DPP10: variants seen among roughly 807,000 people sequenced by gnomAD.
The protein encoded by DPP10 is inactive dipeptidyl peptidase 10.
A neutral mutation model predicts 120.9 loss-of-function variants in DPP10; 33 were observed. The observed-to-expected ratio is 0.27, with a 90% CI of 0.21 to 0.37. The LOEUF is 0.37. Among genes scored for constraint, DPP10 ranks in the 10% least tolerant of loss-of-function variants. DPP10 has a pLI of 1.00. For missense variants in DPP10, 816 were observed against 942.8 expected (o/e 0.87, Z 1.76); for synonymous variants, 337 against 326.1 (o/e 1.03, Z -0.36).
At chr2:115,303,123 C>A (rs548905977) in intron 1 of DPP10, among the ~76,000 whole-genome samples, 1 of 152,010 alleles carries the variant, frequency 6.6e-6, no homozygotes, top group African/African-American at 2.4e-5. Context: ...AGTATAATTA[C>A]ATTTATTTCT....
intron 5 of DPP10, among the ~76,000 whole-genome samples, chr2:115,537,991 T>G (rs538782514): frequency 2.6e-4 from 39 of 151,966 alleles, no homozygotes; most frequent in African/African-American, 8.9e-4. Flanking sequence ...GCTTAAGGCT[T>G]CCCCCAGTCT....
intron 1 of DPP10, among the ~76,000 whole-genome samples, chr2:114,970,577 G>A (rs1699329403): frequency 6.6e-6 from 1 of 152,284 alleles, no homozygotes; most frequent in African/African-American, 2.4e-5. Flanking sequence ...AAGGGATCAA[G>A]TTTATCTGAA....
At chr2:115,740,973 G>C (rs1410814953) in intron 9 of DPP10, among the ~76,000 whole-genome samples, 1 of 152,022 alleles carries the variant, frequency 6.6e-6, no homozygotes, top group African/African-American at 2.4e-5. Flanking sequence ...AAGCACAATA[G>C]GTTTTCTGCC....
In DPP10 at chr2:114,696,197, C is replaced by T. The variant is rs180964359; in HGVS notation, c.60+253359C>T. ...AAGCATTTAAATCAGCACCATTTTC[C>T]ATCAATGTCTTGCTCCTGATTCTCT... On this transcript the variant is annotated intron_variant, in intron 1 of 25. Coordinates refer to ENST00000410059, the MANE Select transcript of DPP10 (RefSeq NM_020868.6). 5.9e-5 allele frequency among the ~76,000 whole-genome samples: 9 copies of T among 152,134 alleles called. No homozygotes were observed. The South Asian group carries it at 1.5e-3, about 25-fold the overall frequency.
At chr2:115,544,330 A>C (rs773764166) in intron 5 of DPP10, among the ~76,000 whole-genome samples, 1 of 152,066 alleles carries the variant, frequency 6.6e-6, no homozygotes, top group Non-Finnish European at 1.5e-5. Flanking sequence ...TACCTTCAGC[A>C]TATGTGTCCA....
rs188247121 is a variant in DPP10 at position 115,815,289 on chromosome 2, C to T, written c.1895+302C>T. On this transcript the variant is annotated intron_variant, in intron 20 of 25. Coordinates refer to ENST00000410059, the MANE Select transcript of DPP10 (RefSeq NM_020868.6). ...AGGAATCCACAATGTCTGTTGTATC[C>T]TCAGTTAATCACAATTCTTGAAGTT... Among the ~76,000 whole-genome samples the T allele has an allele frequency of 8.6e-4, 131 of 152,250 alleles. 3 individuals are homozygous for T. In the East Asian group the frequency reaches 0.02, roughly 23 times the overall value.
intron 1 of DPP10, among the ~76,000 whole-genome samples, chr2:114,505,452 A>C (rs545544695): frequency 2.0e-4 from 31 of 151,998 alleles, no homozygotes; most frequent in African/African-American, 7.0e-4. Context: ...TCTCAAATGA[A>C]ATTTATGTGT....
chr2:114,737,505 A>G (rs899442206), intron 1 of DPP10, among the ~76,000 whole-genome samples: 11 of 152,218 alleles, frequency 7.2e-5, no homozygotes, highest in Admixed American at 6.5e-4. Flanking sequence ...AGAAAGCTTG[A>G]TGGAAAGGGA....
intron 5 of DPP10, among the ~76,000 whole-genome samples, chr2:115,613,572 A>G (rs975279489): frequency 1.3e-5 from 2 of 152,178 alleles, no homozygotes; most frequent in African/African-American, 4.8e-5. Flanking sequence ...TAGCAGAGTC[A>G]TTCTTCCAAT....
At chr2:114,527,046 C>T (rs1685563467) in intron 1 of DPP10, among the ~76,000 whole-genome samples, 4 of 152,118 alleles carry the variant, frequency 2.6e-5, no homozygotes, top group African/African-American at 9.7e-5. Context: ...ATTTACACTC[C>T]CTTTTCCTTA....
At chr2:115,798,514 G>A (rs1190884968) in intron 19 of DPP10, among the ~76,000 whole-genome samples, 1 of 151,904 alleles carries the variant, frequency 6.6e-6, no homozygotes, top group Non-Finnish European at 1.5e-5. Flanking sequence ...AGTACATTAT[G>A]AATCATGTAA....
At chr2:115,182,062 AATAAAT>A (rs1377497311) in intron 1 of DPP10, among the ~76,000 whole-genome samples, 1 of 152,236 alleles carries the variant, frequency 6.6e-6, no homozygotes, top group African/African-American at 2.4e-5. Flanking sequence ...GTAAAATAGA[AATAAAT>A]ATAAAGCAAT....
chr2:115,244,279 G>C (rs1026922400), intron 1 of DPP10, among the ~76,000 whole-genome samples: 1 of 121,642 alleles, frequency 8.2e-6, no homozygotes, highest in Non-Finnish European at 1.7e-5. Context: ...GAGAGAGAGA[G>C]AGACATATAT....
At position 114,442,711 on chromosome 2, in the gene DPP10, A is replaced by G. The variant is rs1165421087; in HGVS notation, c.-68A>G. On this transcript the variant is annotated 5_prime_UTR_variant, in exon 1 of 26. Transcript: ENST00000410059. The stretch of plus-strand genomic sequence containing the variant: ...AGCAGCCCCTACTGAAGTCCAATAG[A>G]GGAGACTTGATCTCTAGTTCATTCT... 2 of 1,585,622 alleles carry G rather than the reference A, an allele frequency of 1.3e-6. No homozygotes were observed. The highest frequency in any genetic ancestry group is 1.7e-6 in the Non-Finnish European group (2 of 1,157,870).
Position 114,960,366 on chromosome 2 carries a change from G to GTATATATATATATA in DPP10, c.61-348866_61-348853dup, listed in dbSNP as rs149462158. Among the ~76,000 whole-genome samples the GTATATATATATATA allele has an allele frequency of 5.6e-4, 81 of 143,808 alleles. 1 individual carries two copies. Among genetic ancestry groups the GTATATATATATATA allele is most frequent in the Middle Eastern group, 3.7e-3 (1 of 270 alleles). The allele number at this position is 143,808 out of a possible 152,430, so 94.3% of individuals were successfully genotyped here. The stretch of plus-strand genomic sequence containing the variant: ...CTCTGGTTGTACAGAGTGTATGTGC[G>GTATATATATATATA]TATATATATATATATATATACTTTT... On this transcript the variant is annotated intron_variant, in intron 1 of 25. Coordinates refer to ENST00000410059, the MANE Select transcript of DPP10 (RefSeq NM_020868.6).
At chr2:115,718,669 G>A (rs1247339853) in intron 7 of DPP10, among the ~76,000 whole-genome samples, 2 of 151,936 alleles carry the variant, frequency 1.3e-5, no homozygotes, top group Admixed American at 1.3e-4. Flanking sequence ...ATTAATTTGT[G>A]TATGGTTTTA....
chr2:114,632,407 T>C (rs1365229612), intron 1 of DPP10, among the ~76,000 whole-genome samples: 1 of 151,692 alleles, frequency 6.6e-6, no homozygotes, highest in Non-Finnish European at 1.5e-5. Flanking sequence ...TATATATATA[T>C]ATTTGTATTT....
chr2:114,508,086 CTTTG>C (rs1046188320), intron 1 of DPP10, among the ~76,000 whole-genome samples: 2 of 151,042 alleles, frequency 1.3e-5, no homozygotes, highest in African/African-American at 4.9e-5. Context: ...TTTCTCTCTT[CTTTG>C]TTTCTTTCTG....
rs58796386 is a variant in DPP10 at position 114,570,836 on chromosome 2, TAAAAAAA to T, written c.60+128016_60+128022del. Among the ~76,000 whole-genome samples the T allele has an allele frequency of 1.4e-3, 79 of 57,830 alleles. 1 individual carries two copies. In the South Asian group the frequency reaches 0.034, roughly 25 times the overall value. 37.9% of individuals were successfully genotyped at this position (57,830 alleles called of 152,430 possible). ...TGACAGAGTGAGACTCTGTCTCAAA[TAAAAAAA>T]AAAAAAAAAAAAAAAAAGAAAAGTA... is the stretch of plus-strand genomic sequence containing the variant. On this transcript the variant is annotated intron_variant, in intron 1 of 25. Transcript: ENST00000410059.
Sources: allele counts gnomAD v4.1 joint callset (sites outside exome capture counted in the v4.1 genomes callset), GRCh38; gene constraint gnomAD v4.1.1; transcripts MANE v1.5; gene names NCBI Gene and HGNC (gene_info 2026-07-23, HGNC 2026-07-21).